The following PRKRA variants were observed in gnomAD, a reference collection of about 807,000 sequenced individuals.
PRKRA encodes protein activator of interferon induced protein kinase EIF2AK2, also known as interferon-inducible double-stranded RNA-dependent protein kinase activator A.
In PRKRA, 22 loss-of-function variants were observed where a neutral mutation model predicts 32.4. That is an observed-to-expected ratio of 0.68 (90% confidence interval 0.49 to 0.97). PRKRA has a LOEUF of 0.97. Ranked by LOEUF, PRKRA falls within the 50% of genes least tolerant of loss-of-function variation. The probability of loss-of-function intolerance (pLI) is 0.00; values close to 1 mark genes in which losing one functional copy is unlikely to be tolerated. For synonymous variants in PRKRA, 139 were observed against 129.8 expected, an observed-to-expected ratio of 1.07 and a Z score of -0.48; for missense variants, 319 against 375.6, an observed-to-expected ratio of 0.85 and a Z score of 1.25.
At chr2:178,436,569 A>C (rs1553595667) in intron 6 of PRKRA, among the ~76,000 whole-genome samples, 1 of 152,228 alleles carries the variant, frequency 6.6e-6, no homozygotes, top group East Asian at 1.9e-4. Context: ...TGTATAGTAC[A>C]AATGTTTCTC....
At chr2:178,441,819 C>A in intron 5 of PRKRA, 115 bp from the exon 6 acceptor site, 1 of 707,008 alleles carries the variant, frequency 1.4e-6, no homozygotes, top group African/African-American at 1.8e-5. Context: ...TTATTATATA[C>A]TAGACTATGT....
chr2:178,433,310 C>G (rs1315635426), intron 7 of PRKRA: 1 of 152,212 alleles, frequency 6.6e-6, no homozygotes, highest in Non-Finnish European at 1.5e-5. Flanking sequence ...GTGAATGGTG[C>G]TGCTATGAAT....
At chr2:178,448,277 T>G (rs56986537) in intron 2 of PRKRA, among the ~76,000 whole-genome samples, 3,796 of 152,318 alleles carry the variant, frequency 0.025, 149 homozygotes, top group African/African-American at 0.086. Context: ...ATTCCATCTT[T>G]TTCCTTTTAA....
chr2:178,440,607 A>G (rs1047027519), intron 6 of PRKRA, among the ~76,000 whole-genome samples: 6 of 152,122 alleles, frequency 3.9e-5, no homozygotes, highest in African/African-American at 1.2e-4. Context: ...CCCACATCCA[A>G]TCAATTACCA....
At chr2:178,434,831 G>A (rs1308125312) in intron 7 of PRKRA, among the ~76,000 whole-genome samples, 4 of 151,884 alleles carry the variant, frequency 2.6e-5, no homozygotes. Flanking sequence ...GTTAAATCAA[G>A]ATACTTTGGC....
At position 178,441,707 on chromosome 2, in the gene PRKRA, G is replaced by T; in HGVS notation, c.515-3C>A. On this transcript the variant is annotated splice_region_variant and splice_polypyrimidine_tract_variant and intron_variant, in intron 5 of 7. Coordinates refer to ENST00000325748, the MANE Select transcript of PRKRA (RefSeq NM_003690.5). The stretch of plus-strand genomic sequence containing the variant: ...TTGCTTTTTTGATGCCCCCTTTCCT[G>T]AACAAAGAAAAAGAAATGGTAGATT... The T allele has an allele frequency of 1.3e-6, 2 of 1,594,952 alleles. No individual in the cohort carries two copies. The highest frequency in any genetic ancestry group is 1.7e-6 in the Non-Finnish European group (2 of 1,162,898).
At chr2:178,450,863 G>C in intron 1 of PRKRA, 103 bp downstream of exon 1, 3 of 1,241,794 alleles carry the variant, frequency 2.4e-6, no homozygotes, top group South Asian at 1.8e-5. Context: ...GTGGGCGCCG[G>C]GCACGGCTTT....
intron 7 of PRKRA, among the ~76,000 whole-genome samples, chr2:178,434,335 G>A (rs1301093760): frequency 4.6e-5 from 7 of 151,622 alleles, no homozygotes; most frequent in South Asian, 4.2e-4. Context: ...GGTCTCAAAC[G>A]CCTGACCTCA....
At chr2:178,437,546 CTT>C (rs1169513841) in intron 6 of PRKRA, among the ~76,000 whole-genome samples, 4 of 152,204 alleles carry the variant, frequency 2.6e-5, no homozygotes, top group Admixed American at 6.5e-5. Context: ...AATAAACACT[CTT>C]TTGCACTTGA....
chr2:178,446,853 CG>C, intron 3 of PRKRA, among the ~76,000 whole-genome samples: 1 of 151,750 alleles, frequency 6.6e-6, no homozygotes, highest in East Asian at 1.9e-4. Context: ...ATTAGCTGGG[CG>C]TAGTGGCGGG....
intron 6 of PRKRA, among the ~76,000 whole-genome samples, chr2:178,436,526 C>A (rs1696904091): frequency 1.3e-5 from 2 of 152,136 alleles, no homozygotes; most frequent in South Asian, 4.1e-4. Context: ...TTAAGAAGCA[C>A]TTGCAATAAT....
intron 2 of PRKRA, 26 bp from the exon 3 acceptor site, chr2:178,447,612 T>C (rs1697372476): frequency 6.2e-7 from 1 of 1,613,692 alleles, no homozygotes; most frequent in Non-Finnish European, 8.5e-7. Flanking sequence ...AAAAAAGAAG[T>C]CTTTATCTCC....
intron 3 of PRKRA, among the ~76,000 whole-genome samples, chr2:178,446,243 G>A (rs1697309062): frequency 6.7e-6 from 1 of 149,836 alleles, no homozygotes; most frequent in Non-Finnish European, 1.5e-5. Context: ...TTGAACTCCT[G>A]GCCTCAAGTG....
At chr2:178,448,462 T>C (rs1478337766) in intron 2 of PRKRA, among the ~76,000 whole-genome samples, 2 of 152,104 alleles carry the variant, frequency 1.3e-5, no homozygotes, top group African/African-American at 4.8e-5. Context: ...TTTTTGTCTG[T>C]TAATAGGCAC....
intron 3 of PRKRA, among the ~76,000 whole-genome samples, chr2:178,446,541 A>T (rs1241531867): frequency 6.6e-6 from 1 of 152,194 alleles, no homozygotes; most frequent in Non-Finnish European, 1.5e-5. Context: ...CAAAAAACCC[A>T]TCCCAAATTC....
At chr2:178,435,707 G>T (rs1475666359) in intron 7 of PRKRA, among the ~76,000 whole-genome samples, 1 of 152,152 alleles carries the variant, frequency 6.6e-6, no homozygotes, top group African/African-American at 2.4e-5. Flanking sequence ...TAACAGCCAG[G>T]GTATCTTCTG....
Position 178,431,971 on chromosome 2 carries a change from T to G in PRKRA, c.*126A>C, listed in dbSNP as rs897289156. The G allele has an allele frequency of 6.2e-6, 7 of 1,124,322 alleles. No individual in the cohort carries two copies. The African/African-American group carries it at 1.1e-4, about 18-fold the overall frequency. The allele number at this position is 1,124,322 out of a possible 1,614,324, so 69.6% of individuals were successfully genotyped here. On this transcript the variant is annotated 3_prime_UTR_variant, in exon 8 of 8. Coordinates refer to ENST00000325748, the MANE Select transcript of PRKRA (RefSeq NM_003690.5). Reference sequence around the variant, plus strand: ...TATGAGGAGATAATTAAATCTGGAGTGTTGATGGAATCTATGAAGAGATTT... The same window carrying G: ...TATGAGGAGATAATTAAATCTGGAGGGTTGATGGAATCTATGAAGAGATTT...
intron 2 of PRKRA, chr2:178,449,977 G>C (rs578193546): frequency 1.8e-6 from 1 of 550,606 alleles, no homozygotes; most frequent in Non-Finnish European, 3.3e-6. Context: ...GAGGATCCTA[G>C]GGTATGAGAA....
rs542277324 is a variant in PRKRA, at chr2:178,437,874, A to G, written c.610-1555T>C. 7.2e-5 allele frequency among the ~76,000 whole-genome samples: 11 copies of G among 152,060 alleles called. No homozygotes were observed. In the South Asian group the frequency reaches 1.9e-3, roughly 26 times the overall value. ...TTAACTGATGCATAAGAGCTTTTTA[A>G]ATTTTCTCTTTTTTAAGAGTTAGGA... On this transcript the variant is annotated intron_variant, in intron 6 of 7. Coordinates refer to ENST00000325748, the MANE Select transcript of PRKRA (RefSeq NM_003690.5).
Sources: gnomAD v4.1 joint callset for allele counts (sites outside exome capture counted in the v4.1 genomes callset) on GRCh38, gnomAD v4.1.1 for gene constraint, MANE v1.5 for transcripts, NCBI Gene and HGNC (gene_info 2026-07-23, HGNC 2026-07-21) for gene names.